Variants in SETBP1 observed in about 807,000 individuals in gnomAD.
The protein encoded by SETBP1 is SET binding protein 1, also known as SET-binding protein.
A neutral mutation model predicts 101.0 loss-of-function variants in SETBP1; 9 were observed. That is an observed-to-expected ratio of 0.09 (90% CI 0.05 to 0.16). SETBP1 has a LOEUF of 0.16. SETBP1 is among the 10% of genes least tolerant of loss of function. SETBP1 has a pLI of 1.00. For synonymous variants in SETBP1, 818 were observed against 788.5 expected, an observed-to-expected ratio of 1.04 and a Z score of -0.63; for missense variants, 1,858 against 2,033.8, an observed-to-expected ratio of 0.91 and a Z score of 1.66.
chr18:44,814,314 G>A (rs2071929113), intron 2 of SETBP1, among the ~76,000 whole-genome samples: 1 of 152,204 alleles, frequency 6.6e-6, no homozygotes, highest in Admixed American at 6.5e-5. Flanking sequence ...AGAAATGGAG[G>A]TTGCTGGGTG....
chr18:45,028,929 A>C (rs1248032851), intron 4 of SETBP1, among the ~76,000 whole-genome samples: 3 of 152,144 alleles, frequency 2.0e-5, no homozygotes, highest in Non-Finnish European at 4.4e-5. Context: ...TCAGATGAGT[A>C]AGTTGCGAAA....
chr18:44,891,659 G>A (rs1200824554), intron 3 of SETBP1, among the ~76,000 whole-genome samples: 4 of 151,896 alleles, frequency 2.6e-5, no homozygotes, highest in Non-Finnish European at 5.9e-5. Flanking sequence ...AAATGTATTT[G>A]AGGCCTGCAT....
chr18:44,906,614 G>T (rs563816793), intron 3 of SETBP1, among the ~76,000 whole-genome samples: 4 of 152,250 alleles, frequency 2.6e-5, no homozygotes, highest in African/African-American at 9.6e-5. Flanking sequence ...TTAATTTTAT[G>T]TGTTTATTTG....
chr18:44,813,378 G>A (rs572398336), intron 2 of SETBP1, among the ~76,000 whole-genome samples: 19 of 152,264 alleles, frequency 1.2e-4, no homozygotes, highest in African/African-American at 4.3e-4. Context: ...TCTTCATGAT[G>A]GGGAGACAAG....
chr18:44,985,464 T>C (rs1369123238), intron 4 of SETBP1, among the ~76,000 whole-genome samples: 1 of 152,220 alleles, frequency 6.6e-6, no homozygotes, highest in Non-Finnish European at 1.5e-5. Context: ...GTAATAATAA[T>C]TCTGGCTTGG....
chr18:44,807,861 A>C (rs2071780907), intron 2 of SETBP1, among the ~76,000 whole-genome samples: 1 of 152,164 alleles, frequency 6.6e-6, no homozygotes, highest in South Asian at 2.1e-4. Flanking sequence ...TGGCAGCTTC[A>C]GGGTGGGGGA....
At chr18:45,055,314 T>A (rs571531906) in intron 5 of SETBP1, among the ~76,000 whole-genome samples, 1 of 152,312 alleles carries the variant, frequency 6.6e-6, no homozygotes, top group Admixed American at 6.5e-5. Context: ...TTTTGAACAG[T>A]CATACCATTT....
intron 2 of SETBP1, among the ~76,000 whole-genome samples, chr18:44,706,300 G>A (rs2069215760): frequency 6.6e-6 from 1 of 152,006 alleles, no homozygotes; most frequent in African/African-American, 2.4e-5. Flanking sequence ...GAATGTTCCA[G>A]TAGTGCTGGG....
chr18:45,043,835 C>A (rs1459246808), intron 5 of SETBP1, among the ~76,000 whole-genome samples: 1 of 152,108 alleles, frequency 6.6e-6, no homozygotes, highest in Admixed American at 6.5e-5. Context: ...ATTCTTAATA[C>A]TATGAAATCA....
chr18:45,052,270 G>C (rs189027867), intron 5 of SETBP1, among the ~76,000 whole-genome samples: 1 of 152,334 alleles, frequency 6.6e-6, no homozygotes, highest in Admixed American at 6.5e-5. Flanking sequence ...GAGAGATACA[G>C]GCAACATAGA....
intron 2 of SETBP1, among the ~76,000 whole-genome samples, chr18:44,819,791 C>T (rs1292899441): frequency 6.6e-6 from 1 of 152,124 alleles, no homozygotes; most frequent in Non-Finnish European, 1.5e-5. Context: ...ACAATTGGAC[C>T]CTAACAATTT....
At chr18:44,946,462 A>G (rs780540218) in intron 3 of SETBP1, among the ~76,000 whole-genome samples, 1 of 152,230 alleles carries the variant, frequency 6.6e-6, no homozygotes, top group Non-Finnish European at 1.5e-5. Flanking sequence ...GAAAAGTGAA[A>G]CAATTAGGAG....
intron 3 of SETBP1, among the ~76,000 whole-genome samples, chr18:44,930,427 G>A (rs1468660777): frequency 6.6e-6 from 1 of 152,084 alleles, no homozygotes; most frequent in African/African-American, 2.4e-5. Flanking sequence ...CCAGGCTTTG[G>A]TATCAGGATG....
chr18:44,946,337 A>G (rs1284259349), intron 3 of SETBP1, among the ~76,000 whole-genome samples: 1 of 152,302 alleles, frequency 6.6e-6, no homozygotes, highest in East Asian at 1.9e-4. Context: ...GCTTAACTGT[A>G]TTACTCTCAG....
intron 2 of SETBP1, among the ~76,000 whole-genome samples, chr18:44,784,686 C>G (rs2071200779): frequency 6.6e-6 from 1 of 152,144 alleles, no homozygotes; most frequent in Non-Finnish European, 1.5e-5. Context: ...ACGTTGTATA[C>G]CAAACACCCA....
At chr18:44,901,965 C>G (rs2070056984) in intron 3 of SETBP1, among the ~76,000 whole-genome samples, 3 of 152,130 alleles carry the variant, frequency 2.0e-5, no homozygotes, top group Non-Finnish European at 4.4e-5. Flanking sequence ...ATTTTAGAAT[C>G]TAGTTATTCT....
rs755852977 is a variant in SETBP1, at chr18:44,949,924, C to T, written c.584C>T (p.Thr195Met). 102 of 1,613,842 alleles carry T rather than the reference C, an allele frequency of 6.3e-5. No homozygotes were observed. Among genetic ancestry groups the T allele is most frequent in the Middle Eastern group, 1.6e-4 (1 of 6,084 alleles). The stretch of plus-strand genomic sequence containing the variant: ...AAACATTCAACTCTCCATTATGACA[C>T]GGGCCTCCCACAGGACTTCACCGGT... ...PQKHSTLHYD[T>M]GLPQDFTGDT... is the part of the protein sequence containing the mutation. The change falls in exon 4 of 6, where the codon ACG becomes ATG. Residue 195 changes from threonine (T) to methionine (M), a missense_variant. Physicochemically the swap from Thr to Met is moderately conservative, Grantham distance 81. Transcript: ENST00000649279.
At chr18:44,946,170 C>G (rs1196763884) in intron 3 of SETBP1, among the ~76,000 whole-genome samples, 1 of 152,174 alleles carries the variant, frequency 6.6e-6, no homozygotes, top group East Asian at 1.9e-4. Flanking sequence ...GATCTTAAAG[C>G]ACCATTCCCC....
chr18:44,888,731 A>G (rs983007587), intron 3 of SETBP1, among the ~76,000 whole-genome samples: 1 of 152,106 alleles, frequency 6.6e-6, no homozygotes, highest in African/African-American at 2.4e-5. Context: ...CCAGGGGTTT[A>G]GAGAATGGGA....
Sources: allele counts gnomAD v4.1 joint callset (sites outside exome capture counted in the v4.1 genomes callset), GRCh38; gene constraint gnomAD v4.1.1; transcripts MANE v1.5; gene names NCBI Gene and HGNC (gene_info 2026-07-23, HGNC 2026-07-21).